SLC10A7: variants seen among roughly 807,000 people sequenced by gnomAD.
The protein encoded by SLC10A7 is sodium/bile acid cotransporter 7.
SLC10A7 carries 29 observed loss-of-function variants against 43.2 expected under a neutral mutation model. The ratio of observed to expected loss-of-function variants is 0.67; its 90% CI spans 0.50 to 0.92. SLC10A7 has a LOEUF of 0.92. Ranked by LOEUF, SLC10A7 falls within the 40% of genes least tolerant of loss-of-function variation. The pLI is 0.00. For missense variants in SLC10A7, 295 were observed against 403.2 expected, an observed-to-expected ratio of 0.73 and a Z score of 2.30; for synonymous variants, 152 against 144.8, an observed-to-expected ratio of 1.05 and a Z score of -0.35.
Position 146,339,779 on chromosome 4 carries a change from T to C in SLC10A7, c.436-13783A>G, listed in dbSNP as rs766588664. Among the ~76,000 whole-genome samples the C allele has an allele frequency of 1.1e-4, 16 of 151,930 alleles. 1 individual carries two copies. Among genetic ancestry groups the C allele is most frequent in the Non-Finnish European group, 1.9e-4 (13 of 67,906 alleles). On this transcript the variant is annotated intron_variant, in intron 5 of 11. Coordinates refer to ENST00000335472, the MANE Select transcript of SLC10A7 (RefSeq NM_001029998.6). ...CATATCCTCACTTCTACTGACATGT[T>C]TTCCTGCCTTTTTATAGTTTCATTT...
chr4:146,342,099 TAC>T (rs1288294591), intron 5 of SLC10A7, among the ~76,000 whole-genome samples: 1 of 151,844 alleles, frequency 6.6e-6, no homozygotes. Context: ...TTCAAATTTA[TAC>T]AGTTTTCTTA....
intron 5 of SLC10A7, among the ~76,000 whole-genome samples, chr4:146,394,234 C>A (rs1000194720): frequency 4.6e-5 from 7 of 152,170 alleles, no homozygotes; most frequent in Non-Finnish European, 8.8e-5. Context: ...TGATTTAAGT[C>A]TTTATTTCAA....
At chr4:146,261,358 G>T (rs974995836) in intron 10 of SLC10A7, among the ~76,000 whole-genome samples, 9 of 152,218 alleles carry the variant, frequency 5.9e-5, no homozygotes, top group African/African-American at 2.2e-4. Flanking sequence ...AGATGTCTGA[G>T]AACCTGCTCT....
intron 5 of SLC10A7, among the ~76,000 whole-genome samples, chr4:146,406,824 A>G (rs907996051): frequency 8.5e-5 from 13 of 152,232 alleles, no homozygotes; most frequent in African/African-American, 2.9e-4. Context: ...CTCTACTAAA[A>G]ATACAAAAAT....
intron 5 of SLC10A7, among the ~76,000 whole-genome samples, chr4:146,361,273 G>A (rs749736121): frequency 6.6e-6 from 1 of 152,146 alleles, no homozygotes; most frequent in Non-Finnish European, 1.5e-5. Context: ...AGTTAAAAAT[G>A]TTGGCAAAAT....
chr4:146,510,168 A>G (rs1377367489), intron 2 of SLC10A7, 119 bp from the exon 3 acceptor site: 1 of 856,732 alleles, frequency 1.2e-6, no homozygotes, highest in Non-Finnish European at 1.7e-6. Context: ...CATAGCTAAA[A>G]TTTTTATCTA....
chr4:146,302,687 T>C (rs940735078), intron 7 of SLC10A7, among the ~76,000 whole-genome samples: 2 of 152,134 alleles, frequency 1.3e-5, no homozygotes, highest in African/African-American at 4.8e-5. Flanking sequence ...CCAGAGAGGC[T>C]GGAAGTAGGA....
At chr4:146,388,632 G>A (rs140037208) in intron 5 of SLC10A7, among the ~76,000 whole-genome samples, 1 of 151,844 alleles carries the variant, frequency 6.6e-6, no homozygotes, top group African/African-American at 2.4e-5. Flanking sequence ...GGTGGTGCGC[G>A]CCTGTAGTCC....
chr4:146,350,528 C>A (rs953034363), intron 5 of SLC10A7, among the ~76,000 whole-genome samples: 1 of 144,622 alleles, frequency 6.9e-6, no homozygotes, highest in African/African-American at 2.6e-5. Context: ...GTGGAGCCCA[C>A]CACAGCTCAA....
chr4:146,375,433 C>T (rs1730007714), intron 5 of SLC10A7, among the ~76,000 whole-genome samples: 1 of 152,112 alleles, frequency 6.6e-6, no homozygotes, highest in Non-Finnish European at 1.5e-5. Flanking sequence ...TCCCTCATGG[C>T]CCTCAAGTTA....
At chr4:146,509,416 G>T (rs537410774) in intron 3 of SLC10A7, among the ~76,000 whole-genome samples, 1 of 152,246 alleles carries the variant, frequency 6.6e-6, no homozygotes, top group Non-Finnish European at 1.5e-5. Context: ...TAAAAACTTT[G>T]CTCAAAGTCA....
chr4:146,298,490 A>T (rs918277369), intron 7 of SLC10A7, among the ~76,000 whole-genome samples: 1 of 152,220 alleles, frequency 6.6e-6, no homozygotes, highest in African/African-American at 2.4e-5. Flanking sequence ...AAGACCAGAG[A>T]ATGCATGAAT....
chr4:146,469,724 G>A (rs1346612055), intron 4 of SLC10A7, among the ~76,000 whole-genome samples: 2 of 152,006 alleles, frequency 1.3e-5, no homozygotes, highest in South Asian at 2.1e-4. Flanking sequence ...AACCTCCCAG[G>A]CTCAAGCAAT....
intron 10 of SLC10A7, among the ~76,000 whole-genome samples, chr4:146,262,915 GGCATAAGA>G (rs1293929416): frequency 6.6e-6 from 1 of 152,320 alleles, no homozygotes; most frequent in East Asian, 1.9e-4. Context: ...CCCTAAGTGT[GGCATAAGA>G]GCATAAGAGG....
intron 5 of SLC10A7, among the ~76,000 whole-genome samples, chr4:146,413,129 C>T (rs1029482843): frequency 1.3e-5 from 2 of 151,976 alleles, no homozygotes; most frequent in Admixed American, 1.3e-4. Flanking sequence ...TGTGGGAAAA[C>T]TTCATTTATC....
intron 4 of SLC10A7, among the ~76,000 whole-genome samples, chr4:146,475,261 A>G (rs562437165): frequency 6.6e-6 from 1 of 152,312 alleles, no homozygotes; most frequent in Non-Finnish European, 1.5e-5. Context: ...CCAGCTTCCC[A>G]AACATTATTC....
chr4:146,500,247 C>T (rs541040225), intron 4 of SLC10A7, among the ~76,000 whole-genome samples: 35 of 152,276 alleles, frequency 2.3e-4, no homozygotes, highest in African/African-American at 7.7e-4. Flanking sequence ...TGCATGTCTA[C>T]GCATCTCAGC....
intron 5 of SLC10A7, among the ~76,000 whole-genome samples, chr4:146,385,182 A>G (rs10031151): frequency 0.24 from 35,947 of 151,946 alleles, 4,658 homozygotes; most frequent in African/African-American, 0.35. Context: ...GGGTTTCAAT[A>G]ATATCTTTTG....
intron 6 of SLC10A7, among the ~76,000 whole-genome samples, chr4:146,310,085 T>C (rs560062700): frequency 6.6e-6 from 1 of 152,188 alleles, no homozygotes; most frequent in Admixed American, 6.5e-5. Flanking sequence ...TTGTTTTCAG[T>C]TCCTGTGTTA....
Sources: allele counts gnomAD v4.1 joint callset (sites outside exome capture counted in the v4.1 genomes callset), GRCh38; gene constraint gnomAD v4.1.1; transcripts MANE v1.5; gene names NCBI Gene and HGNC (gene_info 2026-07-23, HGNC 2026-07-21).